TJP2: variants seen among roughly 807,000 people sequenced by gnomAD.
TJP2 encodes Friedreich ataxia region gene X104 (tight junction protein ZO-2).
In TJP2, 91 loss-of-function variants were observed where a neutral mutation model predicts 133.1. The observed-to-expected ratio is 0.68, with a 90% confidence interval of 0.58 to 0.81. The LOEUF (loss-of-function observed/expected upper bound fraction) is 0.81, where lower values mean the gene tolerates loss of function less well. Among genes scored for constraint, TJP2 ranks in the 40% least tolerant of loss-of-function variants. TJP2 has a pLI of 0.00. For missense variants in TJP2, 1,541 were observed against 1,565.6 expected (o/e 0.98, Z 0.26); for synonymous variants, 592 against 583.4 (o/e 1.01, Z -0.21).
chr9:69,189,206 T>TG (rs1826050301), intron 1 of TJP2, among the ~76,000 whole-genome samples: 1 of 152,182 alleles, frequency 6.6e-6, no homozygotes, highest in African/African-American at 2.4e-5. Flanking sequence ...ACTGCCGAGA[T>TG]GTTGGCCTCG....
chr9:69,145,873 G>C, intron 1 of TJP2: 1 of 1,142,690 alleles, frequency 8.8e-7, no homozygotes, highest in Non-Finnish European at 1.1e-6. Flanking sequence ...CTTTTTGTCT[G>C]TTTTGGGGAC....
chr9:69,174,012 T>TGCCGCC (rs921504375), upstream of TJP2: 30 of 984,636 alleles, frequency 3.0e-5, no homozygotes, highest in East Asian at 1.6e-3. Flanking sequence ...GGGCTTCTCC[T>TGCCGCC]GCCGCCGCCG....
chr9:69,249,282 T>TA, intron 19 of TJP2, 93 bp from the exon 20 acceptor site: 1 of 1,543,012 alleles, frequency 6.5e-7, no homozygotes, highest in Non-Finnish European at 8.8e-7. Flanking sequence ...CTTCTGGACT[T>TA]ACTCAAGTTT....
chr9:69,139,295 T>G (rs1309364270), intron 1 of TJP2, among the ~76,000 whole-genome samples: 1 of 152,204 alleles, frequency 6.6e-6, no homozygotes, highest in Non-Finnish European at 1.5e-5. Context: ...CCTCCAAAAT[T>G]TCTATGTTCA....
In TJP2 at chr9:69,216,336, C is replaced by T. The variant is rs1247947732; in HGVS notation, c.115-3C>T. 1.2e-6 allele frequency: 2 copies of T among 1,614,116 alleles called. No individual in the cohort carries two copies. Among genetic ancestry groups the T allele is most frequent in the East Asian group, 4.5e-5 (2 of 44,882 alleles). Reference sequence around the variant, plus strand: ...TTTAATATTTCTCCTCTCTGATGTACAGGATTCCAAAAGAGGATTTGGAAT... The same window carrying T: ...TTTAATATTTCTCCTCTCTGATGTATAGGATTCCAAAAGAGGATTTGGAAT... On this transcript the variant is annotated splice_polypyrimidine_tract_variant and splice_region_variant and intron_variant, in intron 2 of 22. Coordinates refer to ENST00000377245, the MANE Select transcript of TJP2 (RefSeq NM_004817.4).
At chr9:69,176,685 A>G (rs1279893424) in intron 1 of TJP2, among the ~76,000 whole-genome samples, 1 of 152,234 alleles carries the variant, frequency 6.6e-6, no homozygotes, top group Non-Finnish European at 1.5e-5. Flanking sequence ...TTCTGCCTAC[A>G]TTTAACTTTT....
chr9:69,231,004 G>A (rs966531377), intron 11 of TJP2, among the ~76,000 whole-genome samples: 1 of 152,110 alleles, frequency 6.6e-6, no homozygotes, highest in African/African-American at 2.4e-5. Flanking sequence ...CTTGACATTT[G>A]TGTATGTGTG....
chr9:69,186,882 T>A (rs1825893825), intron 1 of TJP2, among the ~76,000 whole-genome samples: 1 of 152,168 alleles, frequency 6.6e-6, no homozygotes, highest in African/African-American at 2.4e-5. Context: ...ATTCCATCAG[T>A]TTCCTCCTTA....
intron 17 of TJP2, 82 bp downstream of exon 17, chr9:69,240,229 T>A (rs974624869): frequency 3.0e-6 from 4 of 1,325,476 alleles, no homozygotes; most frequent in Non-Finnish European, 3.1e-6. Context: ...TTAATTAATC[T>A]GAATGGAGAA....
chr9:69,228,682 T>C (rs1829534767), intron 9 of TJP2, among the ~76,000 whole-genome samples: 1 of 152,208 alleles, frequency 6.6e-6, no homozygotes, highest in African/African-American at 2.4e-5. Flanking sequence ...TAAAAAATTA[T>C]ATATGGAAGA....
chr9:69,231,233 C>A lies in TJP2; in HGVS notation c.1671+1001C>A, dbSNP rs972889654. Among the ~76,000 whole-genome samples, 7 of 152,160 alleles carry A rather than the reference C, an allele frequency of 4.6e-5. 1 individual carries two copies. In the South Asian group the frequency reaches 1.5e-3, roughly 32 times the overall value. On this transcript the variant is annotated intron_variant, in intron 11 of 22. Transcript: ENST00000377245. ...CAAGCAATTCTTAGTCCTCAGCCTC[C>A]CCAGTAGCTGGGATTACAGGTGAAC...
chr9:69,216,534 G>T, intron 3 of TJP2, 71 bp downstream of exon 3: 1 of 1,530,320 alleles, frequency 6.5e-7, no homozygotes, highest in Non-Finnish European at 8.9e-7. Context: ...TATTTTGGTT[G>T]GTGTCCACTT....
Position 69,189,971 on chromosome 9 carries a change from A to G in TJP2, c.60+15539A>G, listed in dbSNP as rs1459037081. 3.6e-5 allele frequency among the ~76,000 whole-genome samples: 4 copies of G among 111,378 alleles called. 2 individuals carry two copies. The highest frequency in any genetic ancestry group is 8.1e-5 in the Non-Finnish European group (4 of 49,470). The allele number at this position is 111,378 out of a possible 152,430, so 73.1% of individuals were successfully genotyped here. On this transcript the variant is annotated intron_variant, in intron 1 of 22. Coordinates refer to ENST00000377245, the MANE Select transcript of TJP2 (RefSeq NM_004817.4). Reference sequence around the variant, plus strand: ...AAATACAAAAAGAAATTAGCCGGGTATGGTGGTGGACGCCTGTAGTCCCAG... The same window carrying G: ...AAATACAAAAAGAAATTAGCCGGGTGTGGTGGTGGACGCCTGTAGTCCCAG...
At chr9:69,219,321 A>G (rs1481421220) in intron 4 of TJP2, among the ~76,000 whole-genome samples, 4 of 152,180 alleles carry the variant, frequency 2.6e-5, no homozygotes, top group Non-Finnish European at 4.4e-5. Context: ...ATTTTCAAAG[A>G]AAAAGGAAAG....
At chr9:69,129,044 A>G (rs1028281598) in intron 1 of TJP2, among the ~76,000 whole-genome samples, 1 of 152,262 alleles carries the variant, frequency 6.6e-6, no homozygotes, top group Non-Finnish European at 1.5e-5. Context: ...ATTTGAATGA[A>G]GAATTAATGA....
Position 69,254,974 on chromosome 9 carries a change from CT to C in TJP2, c.*603del, listed in dbSNP as rs1831595087. 4.4e-6 allele frequency: 1 copy of C among 225,586 alleles called. No homozygotes were observed. Among genetic ancestry groups the C allele is most frequent in the African/African-American group, 2.3e-5 (1 of 44,368 alleles). The allele number at this position is 225,586 out of a possible 1,614,324, so 14.0% of individuals were successfully genotyped here. On this transcript the variant is annotated 3_prime_UTR_variant, in exon 23 of 23. Coordinates refer to ENST00000377245, the MANE Select transcript of TJP2 (RefSeq NM_004817.4). ...TGTGTCATCTTTTCAAGGCATTTGT[CT>C]TTGTAATATTTTCCATAAATTTGGA...
chr9:69,202,066 A>C (rs1302446373), intron 1 of TJP2, among the ~76,000 whole-genome samples: 3 of 152,202 alleles, frequency 2.0e-5, no homozygotes, highest in Non-Finnish European at 4.4e-5. Context: ...TGTCTTAGTC[A>C]ATTCCTACTC....
chr9:69,138,767 A>G (rs187954139), intron 1 of TJP2, among the ~76,000 whole-genome samples: 162 of 152,166 alleles, frequency 1.1e-3, no homozygotes, highest in Non-Finnish European at 1.9e-3. Flanking sequence ...AAAATACAAA[A>G]TTAGCCAGGC....
intron 1 of TJP2, among the ~76,000 whole-genome samples, chr9:69,129,019 C>T (rs1001860688): frequency 6.6e-6 from 1 of 152,130 alleles, no homozygotes; most frequent in Non-Finnish European, 1.5e-5. Flanking sequence ...AGTGTAATAC[C>T]TGATGTTCCT....
Sources: allele counts gnomAD v4.1 joint callset (sites outside exome capture counted in the v4.1 genomes callset), GRCh38; gene constraint gnomAD v4.1.1; transcripts MANE v1.5; gene names NCBI Gene and HGNC (gene_info 2026-07-23, HGNC 2026-07-21).